PTPRD: variants seen among roughly 807,000 people sequenced by gnomAD.
The protein encoded by PTPRD is receptor-type tyrosine-protein phosphatase delta.
Under a neutral mutation model 214.5 loss-of-function variants are expected in PTPRD, and 34 were observed. The observed-to-expected ratio is 0.16, with a 90% CI of 0.12 to 0.21. PTPRD has a LOEUF of 0.21. Among genes scored for constraint, PTPRD ranks in the 10% least tolerant of loss-of-function variants. The pLI, the probability that PTPRD is intolerant of heterozygous loss-of-function variation, is 1.00. For synonymous variants in PTPRD, 1,128 were observed against 845.7 expected (o/e 1.33, Z -5.79); for missense variants, 2,545 against 2,398.7 (o/e 1.06, Z -1.27).
At chr9:9,798,486 G>C (rs1223121536) in intron 5 of PTPRD, among the ~76,000 whole-genome samples, 6 of 152,144 alleles carry the variant, frequency 3.9e-5, no homozygotes, top group Non-Finnish European at 8.8e-5. Flanking sequence ...TGTGTCTTCA[G>C]ACATAAGGAC....
chr9:9,026,856 G>T (rs1351221775), intron 10 of PTPRD, among the ~76,000 whole-genome samples: 1 of 151,650 alleles, frequency 6.6e-6, no homozygotes, highest in Non-Finnish European at 1.5e-5. Context: ...TCTCTAAGCT[G>T]GACTCTCCTA....
chr9:8,521,034 C>A (rs1243712373), intron 20 of PTPRD, among the ~76,000 whole-genome samples: 2 of 152,054 alleles, frequency 1.3e-5, no homozygotes, highest in East Asian at 3.9e-4. Flanking sequence ...CCTGGGCCTC[C>A]ATGGACTGTC....
intron 8 of PTPRD, among the ~76,000 whole-genome samples, chr9:9,567,784 G>T (rs189415092): frequency 1.3e-4 from 20 of 152,028 alleles, no homozygotes; most frequent in Non-Finnish European, 5.9e-5. Context: ...AATGCAGAGG[G>T]TAAACACAAC....
intron 10 of PTPRD, among the ~76,000 whole-genome samples, chr9:9,139,283 A>G (rs2099856216): frequency 1.3e-5 from 2 of 152,206 alleles, no homozygotes; most frequent in African/African-American, 4.8e-5. Context: ...AGGTCCTCAA[A>G]TAACATCGTT....
At chr9:9,369,018 T>C (rs1019091157) in intron 9 of PTPRD, among the ~76,000 whole-genome samples, 2 of 152,026 alleles carry the variant, frequency 1.3e-5, no homozygotes, top group Non-Finnish European at 2.9e-5. Flanking sequence ...GGTGTTTGGT[T>C]TCTTGTCCTT....
At chr9:10,406,921 A>G (rs1389565360) in intron 2 of PTPRD, among the ~76,000 whole-genome samples, 1 of 151,598 alleles carries the variant, frequency 6.6e-6, no homozygotes, top group Admixed American at 6.6e-5. Context: ...TTACTGATTT[A>G]CTAGAAAAAT....
Position 9,416,771 on chromosome 9 carries a change from C to A in PTPRD, c.-236-19289G>T, listed in dbSNP as rs181481482. 1.4e-3 allele frequency among the ~76,000 whole-genome samples: 217 copies of A among 152,150 alleles called. 1 individual carries two copies. Among genetic ancestry groups the A allele is most frequent in the Middle Eastern group, 3.4e-3 (1 of 294 alleles). The stretch of plus-strand genomic sequence containing the variant: ...CAGGAATACTCAGACACTACTTGGC[C>A]CGATGACTTTTTCAAAGTCACATGG... On this transcript the variant is annotated intron_variant, in intron 8 of 45. Coordinates refer to ENST00000381196, the MANE Select transcript of PTPRD (RefSeq NM_002839.4).
chr9:8,901,377 A>G (rs2098667743), intron 11 of PTPRD, among the ~76,000 whole-genome samples: 1 of 152,236 alleles, frequency 6.6e-6, no homozygotes, highest in Non-Finnish European at 1.5e-5. Context: ...TTCCATCAAT[A>G]TGAATGACTA....
intron 10 of PTPRD, among the ~76,000 whole-genome samples, chr9:9,174,657 G>A (rs1055317859): frequency 6.6e-6 from 1 of 152,002 alleles, no homozygotes; most frequent in Non-Finnish European, 1.5e-5. Flanking sequence ...TTACATAAGA[G>A]ATTTCATAAT....
At chr9:9,895,427 G>T (rs563503361) in intron 5 of PTPRD, among the ~76,000 whole-genome samples, 2 of 152,062 alleles carry the variant, frequency 1.3e-5, no homozygotes, top group East Asian at 3.9e-4. Flanking sequence ...TAGAATGTTT[G>T]ATAAATTTTT....
At chr9:9,828,433 T>C (rs1332499547) in intron 5 of PTPRD, among the ~76,000 whole-genome samples, 2 of 152,000 alleles carry the variant, frequency 1.3e-5, no homozygotes, top group Non-Finnish European at 2.9e-5. Flanking sequence ...TTCTCACTCA[T>C]AGGTGGGAAT....
At chr9:8,938,292 G>C (rs1289662137) in intron 11 of PTPRD, among the ~76,000 whole-genome samples, 1 of 151,914 alleles carries the variant, frequency 6.6e-6, no homozygotes, top group African/African-American at 2.4e-5. Context: ...GAGATGAGAA[G>C]AGAGGAGGGA....
At chr9:10,454,279 A>G (rs183529013) in intron 2 of PTPRD, among the ~76,000 whole-genome samples, 42 of 151,680 alleles carry the variant, frequency 2.8e-4, no homozygotes, top group African/African-American at 7.5e-4. Flanking sequence ...CCAATACTAG[A>G]TATAACTACC....
chr9:8,400,491 T>A (rs1050590510), intron 36 of PTPRD, among the ~76,000 whole-genome samples: 2 of 152,168 alleles, frequency 1.3e-5, no homozygotes, highest in African/African-American at 4.8e-5. Context: ...AGATAGGAAA[T>A]AGGAAATGAA....
At chr9:9,347,487 C>T (rs367858608) in intron 9 of PTPRD, among the ~76,000 whole-genome samples, 1 of 151,906 alleles carries the variant, frequency 6.6e-6, no homozygotes, top group African/African-American at 2.4e-5. Flanking sequence ...CAGGGTAAAA[C>T]CATTTGCTAA....
At chr9:8,449,042 T>C (rs1422372151) in intron 34 of PTPRD, among the ~76,000 whole-genome samples, 2 of 152,206 alleles carry the variant, frequency 1.3e-5, no homozygotes, top group Non-Finnish European at 2.9e-5. Context: ...CAAATAGATC[T>C]AGGCATGAAT....
chr9:9,649,939 G>A (rs1191036050), intron 7 of PTPRD, among the ~76,000 whole-genome samples: 1 of 152,150 alleles, frequency 6.6e-6, no homozygotes, highest in Non-Finnish European at 1.5e-5. Context: ...AGTATACTGT[G>A]CTAGCGATAG....
At chr9:8,498,688 G>C (rs1016238027) in intron 25 of PTPRD, among the ~76,000 whole-genome samples, 1 of 152,058 alleles carries the variant, frequency 6.6e-6, no homozygotes, top group Admixed American at 6.6e-5. Flanking sequence ...CAATTTCTTG[G>C]ATAATGAAAG....
chr9:8,920,669 C>T lies in PTPRD; in HGVS notation c.-104+98028G>A, dbSNP rs2098821198. On this transcript the variant is annotated intron_variant, in intron 11 of 45. Transcript: ENST00000381196. ...GGGCCACATTCAAAGCCATCCTAGACCAATGGGCTGCGGCCCATGGGCCGT... is the reference window on the plus strand; with the variant it reads ...GGGCCACATTCAAAGCCATCCTAGATCAATGGGCTGCGGCCCATGGGCCGT... 2.0e-5 allele frequency among the ~76,000 whole-genome samples: 3 copies of T among 152,304 alleles called. No homozygotes were observed. The South Asian group carries it at 6.2e-4, about 32-fold the overall frequency.
Sources: allele counts gnomAD v4.1 joint callset (sites outside exome capture counted in the v4.1 genomes callset), GRCh38; gene constraint gnomAD v4.1.1; transcripts MANE v1.5; gene names NCBI Gene and HGNC (gene_info 2026-07-23, HGNC 2026-07-21).